Variants in NXPH1 observed in about 807,000 individuals in gnomAD.
The protein encoded by NXPH1 is neurexophilin 1, also known as neurexophilin-1.
NXPH1 carries 5 observed loss-of-function variants against 23.7 expected under a neutral mutation model. The observed-to-expected ratio is 0.21, with a 90% CI of 0.11 to 0.44. The LOEUF (loss-of-function observed/expected upper bound fraction) is 0.44. Among genes scored for constraint, NXPH1 ranks in the 20% least tolerant of loss-of-function variants. The pLI is 0.99. For synonymous variants in NXPH1, 144 were observed against 122.2 expected, an observed-to-expected ratio of 1.18 and a Z score of -1.18; for missense variants, 324 against 321.6, an observed-to-expected ratio of 1.01 and a Z score of -0.06.
intron 2 of NXPH1, among the ~76,000 whole-genome samples, chr7:8,554,318 C>A (rs1316259459): frequency 6.6e-6 from 1 of 151,524 alleles, no homozygotes; most frequent in African/African-American, 2.4e-5. Flanking sequence ...TGATCCAAAC[C>A]TGGGGATGAT....
At chr7:8,566,822 A>G (rs1295145570) in intron 2 of NXPH1, among the ~76,000 whole-genome samples, 2 of 150,986 alleles carry the variant, frequency 1.3e-5, no homozygotes, top group African/African-American at 4.9e-5. Flanking sequence ...ATCTGAGCCA[A>G]TTCCCCTAAT....
chr7:8,623,234 G>T (rs1245929015), intron 2 of NXPH1, among the ~76,000 whole-genome samples: 1 of 152,090 alleles, frequency 6.6e-6, no homozygotes, highest in East Asian at 1.9e-4. Context: ...GAAGACTCTG[G>T]GAGACGAATT....
chr7:8,512,584 A>G (rs1817629343), intron 2 of NXPH1, among the ~76,000 whole-genome samples: 1 of 152,164 alleles, frequency 6.6e-6, no homozygotes, highest in Non-Finnish European at 1.5e-5. Context: ...CAGTCTAGTA[A>G]TTTAAAAACT....
intron 2 of NXPH1, among the ~76,000 whole-genome samples, chr7:8,553,533 A>T (rs897049745): frequency 1.3e-5 from 2 of 151,538 alleles, no homozygotes; most frequent in Non-Finnish European, 3.0e-5. Flanking sequence ...ACTAATGAGG[A>T]AGATACCCAG....
At chr7:8,655,396 GTCTTTCTCTCTCTCTCTC>G (rs1820558518) in intron 2 of NXPH1, among the ~76,000 whole-genome samples, 1 of 139,244 alleles carries the variant, frequency 7.2e-6, no homozygotes, top group African/African-American at 2.8e-5. Flanking sequence ...CTTTGTCTTT[GTCTTTCTCTCTCTCTCTC>G]TCTCTCTCTC....
intron 2 of NXPH1, among the ~76,000 whole-genome samples, chr7:8,729,030 C>G (rs879928895): frequency 2.0e-5 from 3 of 151,840 alleles, no homozygotes; most frequent in Non-Finnish European, 4.4e-5. Flanking sequence ...TGTTATTGGT[C>G]TATTCAGAGA....
intron 2 of NXPH1, among the ~76,000 whole-genome samples, chr7:8,447,796 T>TC (rs996534427): frequency 2.6e-5 from 4 of 152,120 alleles, no homozygotes; most frequent in Admixed American, 6.5e-5. Flanking sequence ...ATTGATGGAT[T>TC]CCCCCCCACC....
At chr7:8,586,824 G>T (rs1051654174) in intron 2 of NXPH1, among the ~76,000 whole-genome samples, 5 of 151,926 alleles carry the variant, frequency 3.3e-5, no homozygotes, top group Admixed American at 1.3e-4. Flanking sequence ...GTGGAGTAAG[G>T]TATTTCAATT....
intron 2 of NXPH1, among the ~76,000 whole-genome samples, chr7:8,618,861 G>A (rs936915431): frequency 6.6e-6 from 1 of 152,126 alleles, no homozygotes; most frequent in Non-Finnish European, 1.5e-5. Context: ...CAGAATTCAA[G>A]GAATGCTAAT....
intron 2 of NXPH1, among the ~76,000 whole-genome samples, chr7:8,737,238 C>T (rs888795692): frequency 6.6e-6 from 1 of 152,110 alleles, no homozygotes; most frequent in African/African-American, 2.4e-5. Flanking sequence ...ATGGTCTTTA[C>T]AGTATGGTAT....
chr7:8,540,675 G>A (rs1229630946), intron 2 of NXPH1, among the ~76,000 whole-genome samples: 1 of 151,730 alleles, frequency 6.6e-6, no homozygotes, highest in African/African-American at 2.4e-5. Context: ...CAATTCAGTG[G>A]AATAATAATT....
At chr7:8,466,662 A>G (rs1484433383) in intron 2 of NXPH1, among the ~76,000 whole-genome samples, 1 of 152,134 alleles carries the variant, frequency 6.6e-6, no homozygotes, top group African/African-American at 2.4e-5. Context: ...CTTTCATCTG[A>G]TGGCTTGTGA....
intron 2 of NXPH1, among the ~76,000 whole-genome samples, chr7:8,451,143 CT>C (rs1160201077): frequency 4.9e-5 from 7 of 142,450 alleles, no homozygotes; most frequent in East Asian, 2.2e-4. Flanking sequence ...ATCTGTGTTC[CT>C]TTTGCTTATT....
At chr7:8,489,629 C>G (rs937534093) in intron 2 of NXPH1, among the ~76,000 whole-genome samples, 2 of 151,956 alleles carry the variant, frequency 1.3e-5, no homozygotes, top group Non-Finnish European at 2.9e-5. Context: ...AAATAATGGG[C>G]AAATATTAGG....
chr7:8,468,065 G>C (rs17149273), intron 2 of NXPH1, among the ~76,000 whole-genome samples: 2 of 151,786 alleles, frequency 1.3e-5, no homozygotes, highest in Non-Finnish European at 2.9e-5. Flanking sequence ...TTTAAATAAA[G>C]CAAGAAAGAT....
chr7:8,513,457 G>T lies in NXPH1; in HGVS notation c.54+77690G>T, dbSNP rs949982347. Among the ~76,000 whole-genome samples, 13 of 152,146 alleles carry T rather than the reference G, an allele frequency of 8.5e-5. 1 individual carries two copies. Among genetic ancestry groups the T allele is most frequent in the South Asian group, 6.2e-4 (3 of 4,834 alleles). On this transcript the variant is annotated intron_variant, in intron 2 of 2. Transcript: ENST00000405863. ...ATTAATATTCACATATTTGGTTGCAGAAATATTAAAGTGTTGATTACAATG... is the reference window on the plus strand; with the variant it reads ...ATTAATATTCACATATTTGGTTGCATAAATATTAAAGTGTTGATTACAATG...
intron 2 of NXPH1, among the ~76,000 whole-genome samples, chr7:8,498,669 A>C (rs1275923579): frequency 6.6e-6 from 1 of 152,070 alleles, no homozygotes; most frequent in Non-Finnish European, 1.5e-5. Context: ...GGGTTTATAG[A>C]TACTGATAAT....
At position 8,694,004 on chromosome 7, in the gene NXPH1, A is replaced by C. The variant is rs185569993; in HGVS notation, c.55-57004A>C. 2.0e-3 allele frequency among the ~76,000 whole-genome samples: 305 copies of C among 152,350 alleles called. 2 individuals are homozygous for C. The Middle Eastern group carries it at 0.02, about 10-fold the overall frequency. ...ATATCTTTTAATTTTATGAAGAAAG[A>C]GTCATGTCAGGATGACATTTGTAAA... On this transcript the variant is annotated intron_variant, in intron 2 of 2. Transcript: ENST00000405863.
At chr7:8,730,958 C>T (rs1562467798) in intron 2 of NXPH1, among the ~76,000 whole-genome samples, 1 of 148,640 alleles carries the variant, frequency 6.7e-6, no homozygotes, top group Non-Finnish European at 1.5e-5. Context: ...TTCCATTCTC[C>T]CCATCACTTT....
Sources: allele counts gnomAD v4.1 joint callset (sites outside exome capture counted in the v4.1 genomes callset), GRCh38; gene constraint gnomAD v4.1.1; transcripts MANE v1.5; gene names NCBI Gene and HGNC (gene_info 2026-07-23, HGNC 2026-07-21).